The following SCAANT1 variants were observed in gnomAD, a reference collection of about 807,000 sequenced individuals.
SCAANT1 encodes the protein SCA7/ATXN7 antisense RNA 1.
At chr3:63,911,959 A>C (rs1010089253), upstream of SCAANT1, 1 of 152,100 alleles carries the variant, frequency 6.6e-6, no homozygotes, top group African/African-American at 2.4e-5. Flanking sequence ...CGGCTCCTCC[A>C]TAGGTGGCTG....
chr3:63,912,339 C>A (rs1306532790), upstream of SCAANT1, among the ~76,000 whole-genome samples: 1 of 151,646 alleles, frequency 6.6e-6, no homozygotes, highest in Non-Finnish European at 1.5e-5. Context: ...TGGCGGGCCG[C>A]CTGCTGCCCG....
chr3:63,912,289 G>C (rs1458203413), upstream of SCAANT1: 1 of 152,072 alleles, frequency 6.6e-6, no homozygotes, highest in Non-Finnish European at 1.5e-5. Flanking sequence ...TCCGCGCCAG[G>C]TCCTCTGAGC....
exon 1 of SCAANT1, chr3:63,911,766 T>C (rs537784092): frequency 6.6e-6 from 1 of 152,346 alleles, no homozygotes; most frequent in South Asian, 2.1e-4. Context: ...CGGTACTTCG[T>C]CCTGACACCT....
At chr3:63,911,998 C>T (rs1235051725), upstream of SCAANT1, 1 of 152,340 alleles carries the variant, frequency 6.6e-6, no homozygotes, top group Non-Finnish European at 1.5e-5. Context: ...GGCTCCAGTC[C>T]GGGGGCTTGA....
rs78270911 is a variant in SCAANT1, at chr3:63,911,613, C to T, written n.160G>A. ...AATATGTACACGGGTTAAAGCTTCTCTCGGTTTGTTTCACTCTCCTCCATT... is the reference window on the plus strand; with the variant it reads ...AATATGTACACGGGTTAAAGCTTCTTTCGGTTTGTTTCACTCTCCTCCATT... On this transcript the variant is annotated non_coding_transcript_exon_variant, in exon 1 of 1. Transcript: ENST00000626439. The T allele has an allele frequency of 3.0e-4, 46 of 152,302 alleles. 1 individual carries two copies. The East Asian group carries it at 8.5e-3, about 28-fold the overall frequency. 9.4% of individuals were successfully genotyped at this position (152,302 alleles called of 1,614,324 possible).
chr3:63,912,341 T>G (rs1704056621), upstream of SCAANT1, among the ~76,000 whole-genome samples: 2 of 151,448 alleles, frequency 1.3e-5, no homozygotes, highest in Admixed American at 1.3e-4. Flanking sequence ...GCGGGCCGCC[T>G]GCTGCCCGTC....
chr3:63,912,352 C>T (rs1446445269), upstream of SCAANT1, among the ~76,000 whole-genome samples: 3 of 151,556 alleles, frequency 2.0e-5, no homozygotes, highest in African/African-American at 7.3e-5. Context: ...GCTGCCCGTC[C>T]CCTCCCTCGG....
chr3:63,911,992 C>G (rs1704033286), upstream of SCAANT1: 1 of 152,390 alleles, frequency 6.6e-6, no homozygotes, highest in South Asian at 2.1e-4. Flanking sequence ...CGCCCTGGCT[C>G]CAGTCCGGGG....
chr3:63,912,106 C>G (rs1704042495), upstream of SCAANT1: 1 of 152,200 alleles, frequency 6.6e-6, no homozygotes, highest in South Asian at 2.1e-4. Flanking sequence ...CCGGGTGCCG[C>G]CGCTCGGACG....
chr3:63,911,862 C>T (rs1704025378), upstream of SCAANT1: 1 of 152,334 alleles, frequency 6.6e-6, no homozygotes, highest in African/African-American at 2.4e-5. Context: ...CCCATTCATG[C>T]TTTTGACAAC....
At chr3:63,911,965 G>A (rs897767888), upstream of SCAANT1, 1 of 152,386 alleles carries the variant, frequency 6.6e-6, no homozygotes, top group Non-Finnish European at 1.5e-5. Context: ...CTCCATAGGT[G>A]GCTGCATTTC....
chr3:63,912,378 G>C (rs1704059387), upstream of SCAANT1, among the ~76,000 whole-genome samples: 1 of 151,426 alleles, frequency 6.6e-6, no homozygotes, highest in Admixed American at 6.6e-5. Flanking sequence ...CGCGGGAGTC[G>C]AAAGCGAAAG....
upstream of SCAANT1, among the ~76,000 whole-genome samples, chr3:63,912,377 C>T (rs564169798): frequency 1.3e-5 from 2 of 151,230 alleles, no homozygotes; most frequent in African/African-American, 2.4e-5. Flanking sequence ...CCGCGGGAGT[C>T]GAAAGCGAAA....
chr3:63,912,039 G>C (rs1250613634), upstream of SCAANT1: 1 of 152,326 alleles, frequency 6.6e-6, no homozygotes, highest in Non-Finnish European at 1.5e-5. Flanking sequence ...GAGCTGAGAG[G>C]GAGGGACCGG....
chr3:63,912,333 G>GGGCCGCCTGCTGCCC (rs1704055819), upstream of SCAANT1, among the ~76,000 whole-genome samples: 3 of 151,670 alleles, frequency 2.0e-5, no homozygotes, highest in Non-Finnish European at 2.9e-5. Flanking sequence ...CCGCGGTGGC[G>GGGCCGCCTGCTGCCC]GGCCGCCTGC....
chr3:63,911,637 T>C (rs1704015889), exon 1 of SCAANT1: 1 of 152,128 alleles, frequency 6.6e-6, no homozygotes, highest in Non-Finnish European at 1.5e-5. Flanking sequence ...CTCTCCTCCA[T>C]TCCCTCGCAC....
chr3:63,911,954 C>T (rs1704030077), upstream of SCAANT1: 2 of 152,510 alleles, frequency 1.3e-5, no homozygotes, highest in South Asian at 2.1e-4. Context: ...CCGGCCGGCT[C>T]CTCCATAGGT....
chr3:63,912,339 C>T (rs1306532790), upstream of SCAANT1, among the ~76,000 whole-genome samples: 2 of 151,646 alleles, frequency 1.3e-5, no homozygotes, highest in African/African-American at 4.8e-5. Flanking sequence ...TGGCGGGCCG[C>T]CTGCTGCCCG....
upstream of SCAANT1, chr3:63,912,046 C>G (rs1261654578): frequency 1.3e-5 from 2 of 152,258 alleles, no homozygotes; most frequent in South Asian, 4.1e-4. Flanking sequence ...GAGGGAGGGA[C>G]CGGCAAGTGG....
Sources: gnomAD v4.1 joint callset for allele counts (sites outside exome capture counted in the v4.1 genomes callset) on GRCh38, gnomAD v4.1.1 for gene constraint, MANE v1.5 for transcripts, NCBI Gene and HGNC (gene_info 2026-07-23, HGNC 2026-07-21) for gene names.